HAUS6: variants seen among roughly 807,000 people sequenced by gnomAD.
The protein encoded by HAUS6 is HAUS augmin like complex subunit 6.
A neutral mutation model predicts 106.8 loss-of-function variants in HAUS6; 80 were observed. The ratio of observed to expected loss-of-function variants is 0.75; its 90% CI spans 0.63 to 0.90. The LOEUF (loss-of-function observed/expected upper bound fraction) is 0.90, where lower values mean the gene tolerates loss of function less well. Among genes scored for constraint, HAUS6 ranks in the 40% least tolerant of loss-of-function variants. The pLI, the probability that HAUS6 is intolerant of heterozygous loss-of-function variation, is 0.00. For synonymous variants in HAUS6, 356 were observed against 379.1 expected (o/e 0.94, Z 0.71); for missense variants, 1,155 against 1,118.1 (o/e 1.03, Z -0.47).
intron 11 of HAUS6, 87 bp from the exon 12 acceptor site, chr9:19,070,387 TAAACAGAAGA>T: frequency 1.3e-6 from 1 of 774,696 alleles, no homozygotes; most frequent in Non-Finnish European, 2.2e-6. Context: ...GAACAACTTG[TAAACAGAAGA>T]AAACAGAAAA....
chr9:19,067,012 A>C (rs1836772536), intron 12 of HAUS6, among the ~76,000 whole-genome samples: 1 of 151,988 alleles, frequency 6.6e-6, no homozygotes, highest in Admixed American at 6.6e-5. Context: ...TCTCAAAAAA[A>C]AAAAAAGCCA....
chr9:19,090,302 T>C (rs538412025), intron 4 of HAUS6, among the ~76,000 whole-genome samples: 46 of 152,306 alleles, frequency 3.0e-4, no homozygotes, highest in African/African-American at 1.1e-3. Flanking sequence ...ATATCCGTAA[T>C]AGTGTATTTA....
chr9:19,085,615 CAA>C (rs71494997), intron 7 of HAUS6, among the ~76,000 whole-genome samples: 84 of 129,730 alleles, frequency 6.5e-4, no homozygotes, highest in African/African-American at 9.6e-4. Context: ...AGATTTTATC[CAA>C]AAAAAAAAAA....
chr9:19,087,223 T>C, intron 5 of HAUS6, 67 bp from the exon 6 acceptor site: 1 of 897,568 alleles, frequency 1.1e-6, no homozygotes, highest in South Asian at 1.4e-5. Context: ...CCCACTTCTC[T>C]ATTTTCCCTT....
At position 19,093,204 on chromosome 9, in the gene HAUS6, C is replaced by T. The variant is rs1392907876; in HGVS notation, c.403G>A (p.Val135Ile). ...TTGGATTTAATATATTTCATTGCAA[C>T]AAATCTTGCAAAATGATACATCAGA... ...IHLMYHFARF[V>I]AMKYIKSNSK... Residue 135 changes from valine (V) to isoleucine (I), a missense_variant, in exon 4 of 17, where the codon GTT (valine) becomes ATT (isoleucine). Val to Ile is a conservative substitution (Grantham distance 29). This residue lies in a region of HAUS6 where 761 missense variants were observed against 690.0 expected (regional missense o/e 1.10). Transcript: ENST00000380502. 4.4e-6 allele frequency: 7 copies of T among 1,598,940 alleles called. No homozygotes were observed. Among genetic ancestry groups the T allele is most frequent in the Non-Finnish European group, 6.0e-6 (7 of 1,170,246 alleles).
Position 19,067,246 on chromosome 9 carries a change from C to G in HAUS6, c.1376+2973G>C, listed in dbSNP as rs181010957. Among the ~76,000 whole-genome samples, 187 of 152,024 alleles carry G rather than the reference C, an allele frequency of 1.2e-3. 1 individual carries two copies. Among genetic ancestry groups the G allele is most frequent in the African/African-American group, 4.3e-3 (177 of 41,476 alleles). ...AATAGTGTAATTGCTGAACTACATGCAAAAAAGGTATTATCTTCTTTCATT... is the reference window on the plus strand; with the variant it reads ...AATAGTGTAATTGCTGAACTACATGGAAAAAAGGTATTATCTTCTTTCATT... On this transcript the variant is annotated intron_variant, in intron 12 of 16. Transcript: ENST00000380502.
chr9:19,099,017 CAA>C (rs377024544), intron 1 of HAUS6, among the ~76,000 whole-genome samples: 69 of 90,654 alleles, frequency 7.6e-4, no homozygotes, highest in South Asian at 1.4e-3. Flanking sequence ...AACTCCATCT[CAA>C]AAAAAAAAAA....
At chr9:19,099,168 T>G (rs77397988) in intron 1 of HAUS6, among the ~76,000 whole-genome samples, 1 of 146,788 alleles carries the variant, frequency 6.8e-6, no homozygotes, top group Non-Finnish European at 1.5e-5. Flanking sequence ...TTTGTTTTTT[T>G]GTGTTTTTTT....
chr9:19,073,160 C>T (rs540377241), intron 11 of HAUS6, among the ~76,000 whole-genome samples: 2 of 152,004 alleles, frequency 1.3e-5, no homozygotes, highest in South Asian at 4.2e-4. Context: ...AGGTGGATAT[C>T]CAAGGATTAA....
At chr9:19,069,615 T>A (rs761152991) in intron 12 of HAUS6, among the ~76,000 whole-genome samples, 1 of 151,916 alleles carries the variant, frequency 6.6e-6, no homozygotes, top group East Asian at 1.9e-4. Context: ...GGGAACTATT[T>A]GAACCCAGGA....
In HAUS6 at chr9:19,078,238, G is replaced by GC; in HGVS notation, c.1128dup (p.His377AlafsTer2). On this transcript the variant is annotated frameshift_variant, in exon 10 of 17. Transcript: ENST00000380502. LOFTEE classifies it high-confidence loss of function. ...CCAAGAAATTCTTTCCACTTTTTATGCCATTCTCCTTGCTTTTCAACAACA... is the reference window on the plus strand; with the variant it reads ...CCAAGAAATTCTTTCCACTTTTTATGCCCATTCTCCTTGCTTTTCAACAACA... The GC allele has an allele frequency of 6.4e-7, 1 of 1,564,590 alleles. No individual in the cohort carries two copies. The highest frequency in any genetic ancestry group is 8.8e-7 in the Non-Finnish European group (1 of 1,136,634).
Position 19,080,810 on chromosome 9 carries a change from G to C in HAUS6, c.871-138C>G, listed in dbSNP as rs890925596. The stretch of plus-strand genomic sequence containing the variant: ...AGGCCAGACGCAACGGCTCACACCT[G>C]TAATCCCAGCACTCTGGGAGTTGGG... On this transcript the variant is annotated intron_variant, in intron 8 of 16. Transcript: ENST00000380502. 13 of 592,780 alleles carry C rather than the reference G, an allele frequency of 2.2e-5. No homozygotes were observed. The African/African-American group carries it at 2.4e-4, about 11-fold the overall frequency. The allele number at this position is 592,780 out of a possible 1,614,324, so 36.7% of individuals were successfully genotyped here.
chr9:19,070,417 T>G, intron 11 of HAUS6, 117 bp from the exon 12 acceptor site: 1 of 638,844 alleles, frequency 1.6e-6, no homozygotes, highest in Middle Eastern at 2.9e-4. Flanking sequence ...AACCAAAATA[T>G]GAACACTAAT....
At chr9:19,063,929 G>T (rs968950896) in intron 12 of HAUS6, 2 of 347,728 alleles carry the variant, frequency 5.8e-6, no homozygotes, top group Non-Finnish European at 5.5e-6. Context: ...CAATGTCACA[G>T]GTTCCAAATC....
intron 14 of HAUS6, 92 bp from the exon 15 acceptor site, chr9:19,060,315 G>A: frequency 2.0e-6 from 2 of 977,542 alleles, no homozygotes; most frequent in Non-Finnish European, 2.9e-6. Context: ...GCACTTCACA[G>A]TCAGCAGCCC....
At chr9:19,102,489 A>T in intron 1 of HAUS6, 35 bp downstream of exon 1, 1 of 1,605,742 alleles carries the variant, frequency 6.2e-7, no homozygotes, top group Non-Finnish European at 8.5e-7. Context: ...CCCCCGGTTC[A>T]GGCTCCCTCG....
chr9:19,068,645 A>G (rs1190393483), intron 12 of HAUS6, among the ~76,000 whole-genome samples: 2 of 151,920 alleles, frequency 1.3e-5, no homozygotes, highest in Non-Finnish European at 2.9e-5. Context: ...TAAGTATTTT[A>G]TTTTCATCTG....
intron 11 of HAUS6, among the ~76,000 whole-genome samples, chr9:19,075,600 CATATT>C (rs1836980048): frequency 6.6e-6 from 1 of 151,924 alleles, no homozygotes; most frequent in Non-Finnish European, 1.5e-5. Flanking sequence ...CAACAGGACT[CATATT>C]ATATGACTTC....
chr9:19,094,750 C>T (rs1817825797), intron 2 of HAUS6, among the ~76,000 whole-genome samples: 1 of 151,954 alleles, frequency 6.6e-6, no homozygotes, highest in Non-Finnish European at 1.5e-5. Context: ...AAGATGGCAC[C>T]ACTGCACTGC....
Sources: gnomAD v4.1 joint callset for allele counts (sites outside exome capture counted in the v4.1 genomes callset) on GRCh38, gnomAD v4.1.1 for gene constraint, gnomAD v4.1.1 regional missense constraint, MANE v1.5 for transcripts, NCBI Gene and HGNC (gene_info 2026-07-23, HGNC 2026-07-21) for gene names.